ROBO1: variants seen among roughly 807,000 people sequenced by gnomAD.
The protein encoded by ROBO1 is roundabout homolog 1.
A neutral mutation model predicts 195.9 loss-of-function variants in ROBO1; 149 were observed. That is an observed-to-expected ratio of 0.76 (90% CI 0.67 to 0.87). ROBO1 has a LOEUF of 0.87. Ranked by LOEUF, ROBO1 falls within the 40% of genes least tolerant of loss-of-function variation. The probability of loss-of-function intolerance (pLI) is 0.00; values close to 1 mark genes in which losing one functional copy is unlikely to be tolerated. For missense variants in ROBO1, 1,933 were observed against 2,068.3 expected, an observed-to-expected ratio of 0.93 and a Z score of 1.27; for synonymous variants, 816 against 733.2, an observed-to-expected ratio of 1.11 and a Z score of -1.82.
intron 2 of ROBO1, among the ~76,000 whole-genome samples, chr3:79,506,722 C>T (rs1288956533): frequency 3.3e-5 from 5 of 152,176 alleles, no homozygotes; most frequent in South Asian, 2.1e-4. Flanking sequence ...GGATTACAGG[C>T]GTGAGTCACT....
At chr3:79,174,456 T>C (rs1414491187) in intron 2 of ROBO1, among the ~76,000 whole-genome samples, 2 of 152,058 alleles carry the variant, frequency 1.3e-5, no homozygotes, top group Non-Finnish European at 1.5e-5. Flanking sequence ...CTTTAAGAAC[T>C]GTAACACTCA....
intron 1 of ROBO1, among the ~76,000 whole-genome samples, chr3:79,662,077 C>T (rs1273505307): frequency 3.3e-5 from 5 of 151,974 alleles, no homozygotes; most frequent in African/African-American, 1.2e-4. Flanking sequence ...AGTCACTCAT[C>T]CTGAAAGTGG....
chr3:78,874,151 A>G (rs1054750347), intron 4 of ROBO1, among the ~76,000 whole-genome samples: 4 of 152,020 alleles, frequency 2.6e-5, no homozygotes, highest in Non-Finnish European at 2.9e-5. Flanking sequence ...ATACTCAATC[A>G]CTGTATCAAA....
At chr3:79,602,426 C>G (rs1221217776) in intron 1 of ROBO1, among the ~76,000 whole-genome samples, 2 of 151,936 alleles carry the variant, frequency 1.3e-5, no homozygotes, top group East Asian at 3.9e-4. Flanking sequence ...AGCTTTAAAC[C>G]ATTTCTTACT....
intron 3 of ROBO1, among the ~76,000 whole-genome samples, chr3:78,984,699 C>T (rs1304094821): frequency 1.3e-5 from 2 of 152,144 alleles, no homozygotes; most frequent in Non-Finnish European, 2.9e-5. Flanking sequence ...GCCATTCGGA[C>T]AGCTGGCTAA....
At chr3:79,118,827 T>G (rs1258455906) in intron 3 of ROBO1, among the ~76,000 whole-genome samples, 1 of 148,448 alleles carries the variant, frequency 6.7e-6, no homozygotes, top group African/African-American at 2.5e-5. Flanking sequence ...ACCCCACCAC[T>G]GTACTCCAGC....
At chr3:79,192,090 T>C (rs1280346311) in intron 2 of ROBO1, among the ~76,000 whole-genome samples, 1 of 151,634 alleles carries the variant, frequency 6.6e-6, no homozygotes, top group Non-Finnish European at 1.5e-5. Context: ...GGTAGTACAT[T>C]ATTTTTAGAG....
chr3:79,062,652 G>A (rs2078939866), intron 3 of ROBO1, among the ~76,000 whole-genome samples: 1 of 152,122 alleles, frequency 6.6e-6, no homozygotes, highest in African/African-American at 2.4e-5. Context: ...TATACACCAT[G>A]GAATACTATG....
intron 3 of ROBO1, among the ~76,000 whole-genome samples, chr3:79,113,762 T>C (rs745811781): frequency 1.2e-4 from 18 of 152,008 alleles, no homozygotes; most frequent in Non-Finnish European, 1.5e-4. Context: ...AGTGAAACTC[T>C]GCCTCAAAAA....
At chr3:79,457,091 C>T (rs1314324660) in intron 2 of ROBO1, among the ~76,000 whole-genome samples, 1 of 152,020 alleles carries the variant, frequency 6.6e-6, no homozygotes, top group Non-Finnish European at 1.5e-5. Context: ...GACTCCAAAA[C>T]GAATGATGAA....
intron 4 of ROBO1, among the ~76,000 whole-genome samples, chr3:78,777,490 A>G (rs987734710): frequency 6.6e-6 from 1 of 152,190 alleles, no homozygotes; most frequent in African/African-American, 2.4e-5. Flanking sequence ...TTGCTATTGA[A>G]ACTGATAGAT....
At chr3:79,086,973 T>A (rs879923900) in intron 3 of ROBO1, among the ~76,000 whole-genome samples, 20 of 152,240 alleles carry the variant, frequency 1.3e-4, no homozygotes, top group Admixed American at 6.5e-4. Flanking sequence ...ATGTGATGAA[T>A]AGTTCACTAA....
At position 79,317,856 on chromosome 3, in the gene ROBO1, T is replaced by TAC. The variant is rs568410472; in HGVS notation, c.89-192319_89-192318dup. Among the ~76,000 whole-genome samples, 233 of 151,320 alleles carry TAC rather than the reference T, an allele frequency of 1.5e-3. 1 individual carries two copies. The highest frequency in any genetic ancestry group is 0.015 in the South Asian group (71 of 4,798). ...TACATCTCCTTACAGATCTGTGTTATACACACACACACACACAATGAAATG... is the reference window on the plus strand; with the variant it reads ...TACATCTCCTTACAGATCTGTGTTATACACACACACACACACACAATGAAATG... On this transcript the variant is annotated intron_variant, in intron 2 of 30. Transcript: ENST00000464233.
At chr3:79,577,717 A>AACACACACACACAC (rs58998352) in intron 2 of ROBO1, among the ~76,000 whole-genome samples, 40 of 140,720 alleles carry the variant, frequency 2.8e-4, no homozygotes, top group African/African-American at 9.7e-4. Context: ...CTTTACTAAA[A>AACACACACACACAC]ACACACACAC....
chr3:78,935,129 T>A (rs905399675), intron 4 of ROBO1, among the ~76,000 whole-genome samples: 9 of 152,084 alleles, frequency 5.9e-5, no homozygotes, highest in African/African-American at 1.9e-4. Context: ...TACATTTTAG[T>A]TCAAAGCAAT....
At chr3:79,349,793 G>A (rs2035270380) in intron 2 of ROBO1, among the ~76,000 whole-genome samples, 1 of 152,108 alleles carries the variant, frequency 6.6e-6, no homozygotes, top group African/African-American at 2.4e-5. Context: ...TTCACACCGT[G>A]TACAAAAATT....
chr3:79,183,080 C>CA (rs1304597488), intron 2 of ROBO1, among the ~76,000 whole-genome samples: 1,417 of 64,670 alleles, frequency 0.022, 31 homozygotes, highest in African/African-American at 0.043. Flanking sequence ...GACTCCAACT[C>CA]AAAAAAAAAA....
intron 1 of ROBO1, among the ~76,000 whole-genome samples, chr3:79,642,582 A>G (rs1295970086): frequency 1.3e-5 from 2 of 152,174 alleles, no homozygotes; most frequent in African/African-American, 2.4e-5. Flanking sequence ...ACAAGTCTCA[A>G]TGGAAACCAT....
chr3:78,633,109 A>C (rs1264463300), intron 24 of ROBO1, among the ~76,000 whole-genome samples: 1 of 152,008 alleles, frequency 6.6e-6, no homozygotes, highest in Non-Finnish European at 1.5e-5. Context: ...AAGGGTGGAG[A>C]CTCTTGGCTA....
Sources: allele counts gnomAD v4.1 joint callset (sites outside exome capture counted in the v4.1 genomes callset), GRCh38; gene constraint gnomAD v4.1.1; transcripts MANE v1.5; gene names NCBI Gene and HGNC (gene_info 2026-07-23, HGNC 2026-07-21).